PABPC1L: variants seen among roughly 807,000 people sequenced by gnomAD.
PABPC1L encodes the protein polyadenylate-binding protein 1-like.
In PABPC1L, 31 loss-of-function variants were observed where a neutral mutation model predicts 66.6. That is an observed-to-expected ratio of 0.47 (90% CI 0.35 to 0.63). PABPC1L has a LOEUF of 0.63. Ranked by LOEUF, PABPC1L falls within the 20% of genes least tolerant of loss-of-function variation. The pLI is 0.00. For synonymous variants in PABPC1L, 348 were observed against 335.1 expected, an observed-to-expected ratio of 1.04 and a Z score of -0.42; for missense variants, 722 against 848.8, an observed-to-expected ratio of 0.85 and a Z score of 1.86.
In PABPC1L at chr20:44,910,174, G is replaced by C. The variant is rs770900403; in HGVS notation, c.31G>C (p.Ala11Pro). ...CGCCAGCGGTTCTGGCTACCCGCTT[G>C]CCTCGCTTTACGTGGGCGATCTGCA... is the stretch of plus-strand genomic sequence containing the variant. MNASGSGYPL[A>P]SLYVGDLHPD... Residue 11 changes from alanine (A) to proline (P), a missense_variant, in exon 1 of 15, where the codon GCC becomes CCC. Ala to Pro is a conservative substitution (Grantham distance 27). Around this residue, in one of 3 missense-constraint regions of PABPC1L, gnomAD observed 284 missense variants for 294.8 expected, o/e 0.96. Transcript: ENST00000217073. 3 of 1,577,246 alleles carry C rather than the reference G, an allele frequency of 1.9e-6. No individual in the cohort carries two copies. Among genetic ancestry groups the C allele is most frequent in the African/African-American group, 1.4e-5 (1 of 73,700 alleles).
At chr20:44,932,771 C>G (rs575889235) in intron 9 of PABPC1L, 1 of 496,178 alleles carries the variant, frequency 2.0e-6, no homozygotes, top group African/African-American at 1.9e-5. Context: ...GAGTGAATTG[C>G]ACGCTCACTT....
Position 44,912,714 on chromosome 20 carries a change from G to T in PABPC1L, c.248G>T (p.Arg83Leu). The T allele has an allele frequency of 6.2e-7, 1 of 1,614,034 alleles. No homozygotes were observed. The highest frequency in any genetic ancestry group is 8.5e-7 in the Non-Finnish European group (1 of 1,179,946). Reference protein sequence around the residue: ...NFEMLKGQPIRIMWSQRDPGL... With the variant: ...NFEMLKGQPILIMWSQRDPGL... ...GAGATGCTCAAAGGCCAGCCTATTCGCATCATGTGGTCCCAGCGAGACCCA... is the reference window on the plus strand; with the variant it reads ...GAGATGCTCAAAGGCCAGCCTATTCTCATCATGTGGTCCCAGCGAGACCCA... Residue 83 changes from arginine (R) to leucine (L), a missense_variant, in exon 2 of 15, where the codon CGC becomes CTC. Physicochemically the swap from Arg to Leu is moderately radical, Grantham distance 102 (BLOSUM62 -2). Transcript: ENST00000217073.
chr20:44,920,228 A>G (rs2066763792), intron 5 of PABPC1L, among the ~76,000 whole-genome samples: 1 of 152,192 alleles, frequency 6.6e-6, no homozygotes, highest in Non-Finnish European at 1.5e-5. Context: ...GGACAAATGC[A>G]TAATGACATG....
chr20:44,933,965 T>C (rs889860029), intron 10 of PABPC1L, among the ~76,000 whole-genome samples: 13 of 152,080 alleles, frequency 8.5e-5, no homozygotes, highest in Admixed American at 8.5e-4. Context: ...TTGGCCAGGC[T>C]GGTCTCGAAC....
chr20:44,921,626 CG>C lies in PABPC1L; in HGVS notation c.774del (p.Arg259GlyfsTer18), dbSNP rs2066773988. On this transcript the variant is annotated frameshift_variant, in exon 6 of 15. Coordinates refer to ENST00000217073, the MANE Select transcript of PABPC1L (RefSeq NM_001372179.1). LOFTEE classifies it high-confidence loss of function. ...VVHMNGKEVS[G>X]RLLYAGRAQK... The stretch of plus-strand genomic sequence containing the variant: ...TCCATATGAACGGGAAGGAGGTGAG[CG>C]GGCGGCTGCTGTACGCGGGCCGGGC... 1.2e-6 allele frequency: 2 copies of C among 1,613,824 alleles called. No homozygotes were observed. Among genetic ancestry groups the C allele is most frequent in the Non-Finnish European group, 1.7e-6 (2 of 1,179,948 alleles).
chr20:44,912,747 G>C lies in PABPC1L; in HGVS notation c.281G>C (p.Arg94Pro). The C allele has an allele frequency of 6.2e-7, 1 of 1,614,108 alleles. No individual in the cohort carries two copies. Among genetic ancestry groups the C allele is most frequent in the East Asian group, 2.2e-5 (1 of 44,886 alleles). Residue 94 changes from arginine to proline, a missense_variant, in exon 2 of 15, where the codon CGC (arginine) becomes CCC (proline). Transcript: ENST00000217073. Reference protein sequence around the residue: ...IMWSQRDPGLRKSGVGNIFIK... With the variant: ...IMWSQRDPGLPKSGVGNIFIK... ...TGGTCCCAGCGAGACCCAGGACTTC[G>C]CAAGTCAGGTGTGGGCAACATCTTC... is the stretch of plus-strand genomic sequence containing the variant.
At position 44,918,957 on chromosome 20, in the gene PABPC1L, G is replaced by A. The variant is rs189791908; in HGVS notation, c.555G>A (p.Ala185=). 110 of 1,612,536 alleles carry A rather than the reference G, an allele frequency of 6.8e-5. 1 individual carries two copies. In the African/African-American group the frequency reaches 1.1e-3, roughly 16 times the overall value. ...GGGAGCGGGAGGCGGAGCTGGGGGCGCGGGCCCTGGAGTTCACCAACATCT... is the reference window on the plus strand; with the variant it reads ...GGGAGCGGGAGGCGGAGCTGGGGGCACGGGCCCTGGAGTTCACCAACATCT... ...SRREREAELG[A]RALEFTNIYV... Residue 185 remains alanine (A), a synonymous_variant, in exon 4 of 15, where the codon GCG becomes GCA. Coordinates refer to ENST00000217073, the MANE Select transcript of PABPC1L (RefSeq NM_001372179.1).
At chr20:44,936,273 T>C (rs1465431740) in intron 11 of PABPC1L, among the ~76,000 whole-genome samples, 1 of 152,150 alleles carries the variant, frequency 6.6e-6, no homozygotes, top group African/African-American at 2.4e-5. Context: ...CCAAAATGTT[T>C]TAAAATTACC....
At chr20:44,924,130 G>T (rs1568646330) in intron 6 of PABPC1L, 31 bp from the exon 7 acceptor site, 8 of 1,561,740 alleles carry the variant, frequency 5.1e-6, no homozygotes, top group Non-Finnish European at 7.1e-6. Flanking sequence ...GGAGGAGAAG[G>T]GGACATCCAG....
At chr20:44,916,622 C>G in intron 2 of PABPC1L, 134 bp from the exon 3 acceptor site, 1 of 801,498 alleles carries the variant, frequency 1.2e-6, no homozygotes, top group Admixed American at 1.8e-5. Context: ...GCTTCCATAC[C>G]CCATCCCTAA....
At chr20:44,933,252 C>A in intron 10 of PABPC1L, 67 bp downstream of exon 10, 7 of 1,336,210 alleles carry the variant, frequency 5.2e-6, no homozygotes, top group Non-Finnish European at 7.4e-6. Flanking sequence ...CAGGACCAGC[C>A]TCCATGGTGA....
chr20:44,930,996 T>TTTTCCTTCCTTCCTTC (rs2066848842), intron 8 of PABPC1L, among the ~76,000 whole-genome samples: 1 of 77,358 alleles, frequency 1.3e-5, no homozygotes, highest in East Asian at 3.9e-4. Context: ...AGACCTACAT[T>TTTTCCTTCCTTCCTTC]TTTCCTTCCT....
chr20:44,914,637 G>A (rs2066726669), intron 2 of PABPC1L, among the ~76,000 whole-genome samples: 1 of 152,224 alleles, frequency 6.6e-6, no homozygotes, highest in African/African-American at 2.4e-5. Context: ...TTGAGGAGAT[G>A]TAGTAATGCA....
At chr20:44,913,061 T>C (rs1334205463) in intron 2 of PABPC1L, among the ~76,000 whole-genome samples, 1 of 152,376 alleles carries the variant, frequency 6.6e-6, no homozygotes, top group East Asian at 1.9e-4. Flanking sequence ...GCTCTCGCTG[T>C]GTAACCACCT....
intron 7 of PABPC1L, among the ~76,000 whole-genome samples, chr20:44,926,254 T>TCTA (rs1049657575): frequency 1.4e-4 from 21 of 152,174 alleles, no homozygotes; most frequent in Non-Finnish European, 2.9e-4. Context: ...TGTGATGGAG[T>TCTA]CTAGCTCTGT....
intron 2 of PABPC1L, among the ~76,000 whole-genome samples, chr20:44,915,127 A>G (rs1318116050): frequency 1.3e-5 from 2 of 152,210 alleles, no homozygotes; most frequent in Non-Finnish European, 2.9e-5. Flanking sequence ...TTTGGAAGCA[A>G]GATCTGTTGT....
chr20:44,938,855 C>A, intron 14 of PABPC1L, 107 bp downstream of exon 14: 1 of 1,095,478 alleles, frequency 9.1e-7, no homozygotes, highest in Non-Finnish European at 1.4e-6. Flanking sequence ...TCCTGGCTTT[C>A]TCTGAAGCAC....
At chr20:44,927,597 C>T (rs904921950) in intron 7 of PABPC1L, among the ~76,000 whole-genome samples, 12 of 152,144 alleles carry the variant, frequency 7.9e-5, no homozygotes, top group Non-Finnish European at 1.8e-4. Context: ...GATCCACCTG[C>T]CTCAGCCTCC....
rs532572859 is a variant in PABPC1L, at chr20:44,917,903, A to G, written c.504-1003A>G. 5.0e-4 allele frequency among the ~76,000 whole-genome samples: 76 copies of G among 152,316 alleles called. 1 individual carries two copies. The highest frequency in any genetic ancestry group is 1.8e-3 in the African/African-American group (74 of 41,566). On this transcript the variant is annotated intron_variant, in intron 3 of 14. Transcript: ENST00000217073. Reference sequence around the variant, plus strand: ...CACCTTTGCCACTCAGTTTTCTTCAAATTTTGGTGCCTGGTACAACTTTGT... The same window carrying G: ...CACCTTTGCCACTCAGTTTTCTTCAGATTTTGGTGCCTGGTACAACTTTGT...
Sources: gnomAD v4.1 joint callset for allele counts (sites outside exome capture counted in the v4.1 genomes callset) on GRCh38, gnomAD v4.1.1 for gene constraint, gnomAD v4.1.1 regional missense constraint, MANE v1.5 for transcripts, NCBI Gene and HGNC (gene_info 2026-07-23, HGNC 2026-07-21) for gene names.